TPO: variants seen among roughly 807,000 people sequenced by gnomAD.
TPO encodes the protein thyroid microsomal antigen.
In TPO, 78 loss-of-function variants were observed where a neutral mutation model predicts 96.9. The observed-to-expected ratio is 0.81, with a 90% CI of 0.67 to 0.97. TPO has a LOEUF of 0.97. Ranked by LOEUF, TPO falls within the 50% of genes least tolerant of loss-of-function variation. TPO has a pLI of 0.00. For missense variants in TPO, 1,252 were observed against 1,274.8 expected (o/e 0.98, Z 0.27); for synonymous variants, 547 against 538.0 (o/e 1.02, Z -0.23).
intron 15 of TPO, among the ~76,000 whole-genome samples, chr2:1,536,820 C>CGT (rs1679771402): frequency 1.0e-5 from 1 of 100,096 alleles, no homozygotes; most frequent in Non-Finnish European, 2.0e-5. Context: ...CCAAATCCCC[C>CGT]CCACTGTGTG....
intron 10 of TPO, among the ~76,000 whole-genome samples, chr2:1,490,845 A>G (rs1271444458): frequency 6.6e-6 from 1 of 152,214 alleles, no homozygotes; most frequent in African/African-American, 2.4e-5. Context: ...GTTGTACTTT[A>G]CGGGGAATAT....
intron 7 of TPO, among the ~76,000 whole-genome samples, chr2:1,466,861 T>G (rs1038774224): frequency 2.7e-4 from 41 of 152,168 alleles, no homozygotes; most frequent in Non-Finnish European, 2.8e-4. Flanking sequence ...TTGTATTTTT[T>G]TTGTTGTTGT....
At chr2:1,403,822 G>A (rs139255948) in intron 1 of TPO, among the ~76,000 whole-genome samples, 31 of 152,214 alleles carry the variant, frequency 2.0e-4, no homozygotes, top group African/African-American at 5.8e-4. Flanking sequence ...ACCAGAGCAC[G>A]CCGGGCCCCA....
intron 3 of TPO, among the ~76,000 whole-genome samples, chr2:1,426,554 G>A (rs999380018): frequency 3.3e-5 from 5 of 152,024 alleles, no homozygotes; most frequent in African/African-American, 1.2e-4. Flanking sequence ...GGGATACAGA[G>A]ATAAGTTAGA....
In TPO at chr2:1,489,976, A is replaced by G. The variant is rs576920638; in HGVS notation, c.1768+1985A>G. ...GTGTAAGAGCCGCCACGTGGGTCCC[A>G]CACAGGGGGAGTCACGACACAGCAG... On this transcript the variant is annotated intron_variant, in intron 10 of 16. Coordinates refer to ENST00000329066, the MANE Select transcript of TPO (RefSeq NM_001206744.2). Among the ~76,000 whole-genome samples, 731 of 112,214 alleles carry G rather than the reference A, an allele frequency of 6.5e-3. 13 individuals carry two copies. The highest frequency in any genetic ancestry group is 0.023 in the African/African-American group (689 of 30,484). The allele number at this position is 112,214 out of a possible 152,430, so 73.6% of individuals were successfully genotyped here.
intron 9 of TPO, among the ~76,000 whole-genome samples, chr2:1,485,095 C>A (rs542181867): frequency 2.0e-5 from 3 of 151,590 alleles, no homozygotes; most frequent in Admixed American, 1.3e-4. Context: ...TGATGATCCC[C>A]GCCCTGTGTC....
intron 15 of TPO, among the ~76,000 whole-genome samples, chr2:1,529,851 C>T (rs115877453): frequency 0.046 from 5,845 of 128,264 alleles, 527 homozygotes; most frequent in African/African-American, 0.15. Context: ...CGCTGTGCAA[C>T]CTCCCAAAAT....
Position 1,540,639 on chromosome 2 carries a change from C to T in TPO, c.2664C>T (p.Gly888=), listed in dbSNP as rs753589249. Reference sequence around the variant, plus strand: ...CCACACTGCCCATCTCGGAGACAGGCGGAGGAACTCCCGAGCTGAGATGCG... The same window carrying T: ...CCACACTGCCCATCTCGGAGACAGGTGGAGGAACTCCCGAGCTGAGATGCG... ...TKSTLPISET[G]GGTPELRCGK... Residue 888 remains glycine (G), a synonymous_variant, in exon 16 of 17, where the codon GGC becomes GGT. Coordinates refer to ENST00000329066, the MANE Select transcript of TPO (RefSeq NM_001206744.2). The T allele has an allele frequency of 2.0e-5, 32 of 1,613,448 alleles. No homozygotes were observed. Among genetic ancestry groups the T allele is most frequent in the South Asian group, 8.8e-5 (8 of 91,084 alleles).
intron 14 of TPO, among the ~76,000 whole-genome samples, chr2:1,505,173 C>T (rs1673275581): frequency 6.6e-6 from 1 of 152,172 alleles, no homozygotes; most frequent in Admixed American, 6.5e-5. Flanking sequence ...GCTGGGGAGG[C>T]TCTTTCTGGG....
intron 10 of TPO, 26 bp downstream of exon 10, chr2:1,488,017 C>T (rs771755887): frequency 6.2e-7 from 1 of 1,611,910 alleles, no homozygotes; most frequent in Non-Finnish European, 8.5e-7. Flanking sequence ...CCCTTGCACA[C>T]CTCATGCAGC....
At chr2:1,477,039 G>T (rs754490910) in intron 7 of TPO, 47 bp from the exon 8 acceptor site, 20 of 1,578,644 alleles carry the variant, frequency 1.3e-5, no homozygotes, top group Non-Finnish European at 1.6e-5. Context: ...GTCTTACAAA[G>T]GGTGCACGGG....
intron 1 of TPO, among the ~76,000 whole-genome samples, chr2:1,393,207 G>A (rs114322854): frequency 4.7e-4 from 71 of 152,302 alleles, no homozygotes; most frequent in African/African-American, 1.6e-3. Flanking sequence ...GGTGGGAGCA[G>A]GAGGAAGAGA....
At chr2:1,535,320 TCAA>T (rs567254863) in intron 15 of TPO, among the ~76,000 whole-genome samples, 9 of 13,538 alleles carry the variant, frequency 6.6e-4, no homozygotes, top group Admixed American at 1.2e-3. Flanking sequence ...TGCAACCTCC[TCAA>T]ATCCCCCCCA....
intron 1 of TPO, among the ~76,000 whole-genome samples, chr2:1,381,065 G>T (rs1355381385): frequency 1.3e-5 from 2 of 152,174 alleles, no homozygotes; most frequent in African/African-American, 4.8e-5. Flanking sequence ...ATGGTGGTTT[G>T]CTGCACCCAT....
At position 1,477,176 on chromosome 2, in the gene TPO, CT is replaced by C; in HGVS notation, c.911del (p.Leu304ProfsTer14). On this transcript the variant is annotated frameshift_variant, in exon 8 of 17. Coordinates refer to ENST00000329066, the MANE Select transcript of TPO (RefSeq NM_001206744.2). LOFTEE classifies it high-confidence loss of function. ...CTGCGGCACCGGGGACCAAGGCGCGCTCTTTGGGAACCTGTCCACGGCCAAC... is the reference window on the plus strand; with the variant it reads ...CTGCGGCACCGGGGACCAAGGCGCGCCTTTGGGAACCTGTCCACGGCCAAC... Reference protein sequence around the residue: ...AACGTGDQGALFGNLSTANPR... With the variant: ...AACGTGDQGAXFGNLSTANPR... The C allele has an allele frequency of 6.2e-7, 1 of 1,610,046 alleles. No homozygotes were observed. Among genetic ancestry groups the C allele is most frequent in the African/African-American group, 1.3e-5 (1 of 75,030 alleles).
Position 1,487,463 on chromosome 2 carries a change from G to T in TPO, c.1598-358G>T, listed in dbSNP as rs146822000. On this transcript the variant is annotated intron_variant, in intron 9 of 16. Transcript: ENST00000329066. ...AAGATTGAGCTATTGGGCTGGGCGC[G>T]GTGGCTCACGCCTGTAATCCCAGCA... is the stretch of plus-strand genomic sequence containing the variant. 1.0e-2 allele frequency among the ~76,000 whole-genome samples: 1,519 copies of T among 152,294 alleles called. 28 individuals carry two copies. The highest frequency in any genetic ancestry group is 0.035 in the African/African-American group (1,442 of 41,554).
chr2:1,427,297 C>A (rs1345234602), intron 3 of TPO, among the ~76,000 whole-genome samples: 1 of 152,184 alleles, frequency 6.6e-6, no homozygotes, highest in East Asian at 1.9e-4. Flanking sequence ...CTGGAGAGTG[C>A]AGTGTGTTCT....
chr2:1,496,823 A>C (rs1672402934), intron 13 of TPO, 58 bp downstream of exon 13: 2 of 1,611,498 alleles, frequency 1.2e-6, no homozygotes, highest in South Asian at 1.1e-5. Context: ...ATATAAGTTA[A>C]CAATGCAATG....
chr2:1,538,125 T>A (rs1680286600), intron 15 of TPO, among the ~76,000 whole-genome samples: 1 of 110,240 alleles, frequency 9.1e-6, no homozygotes, highest in South Asian at 3.0e-4. Flanking sequence ...ATCCCCGCAC[T>A]GTGTTCAACC....
Sources: allele counts gnomAD v4.1 joint callset (sites outside exome capture counted in the v4.1 genomes callset), GRCh38; gene constraint gnomAD v4.1.1; transcripts MANE v1.5; gene names NCBI Gene and HGNC (gene_info 2026-07-23, HGNC 2026-07-21).